The following MAP2K4 variants were observed in gnomAD, a reference collection of about 807,000 sequenced individuals.
MAP2K4 encodes the protein mitogen-activated protein kinase kinase 4.
In MAP2K4, 4 loss-of-function variants were observed where a neutral mutation model predicts 48.5. The ratio of observed to expected loss-of-function variants is 0.08; its 90% CI spans 0.04 to 0.19. The LOEUF (loss-of-function observed/expected upper bound fraction) is 0.19. Among genes scored for constraint, MAP2K4 ranks in the 10% least tolerant of loss-of-function variants. The pLI is 1.00. For missense variants in MAP2K4, 258 were observed against 493.3 expected, an observed-to-expected ratio of 0.52 and a Z score of 4.52; for synonymous variants, 166 against 173.1, an observed-to-expected ratio of 0.96 and a Z score of 0.32.
At chr17:12,058,788 C>G (rs1318060896) in intron 2 of MAP2K4, among the ~76,000 whole-genome samples, 3 of 152,136 alleles carry the variant, frequency 2.0e-5, no homozygotes, top group Non-Finnish European at 4.4e-5. Flanking sequence ...ATTGCTACAT[C>G]TAGTAGAATA....
chr17:12,080,853 T>G (rs1245480662), intron 2 of MAP2K4, among the ~76,000 whole-genome samples: 2 of 152,190 alleles, frequency 1.3e-5, no homozygotes, highest in African/African-American at 4.8e-5. Flanking sequence ...TTGAGATTTT[T>G]AAAATCTCCC....
intron 2 of MAP2K4, among the ~76,000 whole-genome samples, chr17:12,072,719 C>T (rs1449896639): frequency 1.3e-5 from 2 of 152,022 alleles, no homozygotes; most frequent in South Asian, 4.2e-4. Context: ...TCATGAATAC[C>T]CTAGATTTCA....
chr17:12,115,919 G>T (rs1972478569), intron 7 of MAP2K4: 4 of 534,602 alleles, frequency 7.5e-6, no homozygotes, highest in East Asian at 8.4e-5. Flanking sequence ...CCTTCCTCCG[G>T]TAGTTCATCT....
chr17:12,025,563 T>C (rs1233982749), intron 1 of MAP2K4, among the ~76,000 whole-genome samples: 1 of 152,136 alleles, frequency 6.6e-6, no homozygotes, highest in Non-Finnish European at 1.5e-5. Context: ...TTACAAGAAA[T>C]AGTTAGAAAG....
At chr17:12,116,443 AATTAACC>A (rs1972495235) in intron 7 of MAP2K4, among the ~76,000 whole-genome samples, 2 of 150,126 alleles carry the variant, frequency 1.3e-5, no homozygotes, top group Non-Finnish European at 2.9e-5. Context: ...TTCAGTAATA[AATTAACC>A]TGAGTGTACT....
At chr17:12,051,193 A>G (rs574129136) in intron 1 of MAP2K4, among the ~76,000 whole-genome samples, 20 of 152,290 alleles carry the variant, frequency 1.3e-4, no homozygotes, top group Middle Eastern at 3.4e-3. Context: ...AAGCCATTGC[A>G]TGAAAAAAGT....
intron 2 of MAP2K4, among the ~76,000 whole-genome samples, chr17:12,068,933 G>C (rs967717207): frequency 1.3e-4 from 20 of 152,118 alleles, no homozygotes; most frequent in African/African-American, 4.8e-4. Flanking sequence ...CCTAGGAAGA[G>C]AGTGAGAATG....
At chr17:12,073,311 A>G (rs988530105) in intron 2 of MAP2K4, among the ~76,000 whole-genome samples, 1 of 152,206 alleles carries the variant, frequency 6.6e-6, no homozygotes, top group African/African-American at 2.4e-5. Flanking sequence ...AAGTGTCATT[A>G]TGAGTGAAGT....
intron 4 of MAP2K4, among the ~76,000 whole-genome samples, chr17:12,104,287 C>T (rs1972036860): frequency 6.6e-6 from 1 of 152,062 alleles, no homozygotes; most frequent in South Asian, 2.1e-4. Flanking sequence ...GAGTCACAAA[C>T]CAGTGGTTTT....
At chr17:12,073,566 T>C (rs1970889475) in intron 2 of MAP2K4, among the ~76,000 whole-genome samples, 2 of 152,198 alleles carry the variant, frequency 1.3e-5, no homozygotes, top group South Asian at 2.1e-4. Flanking sequence ...ATCAGACAAG[T>C]AGAGTGCAGC....
chr17:12,045,244 A>T (rs1969927245), intron 1 of MAP2K4, among the ~76,000 whole-genome samples: 1 of 152,166 alleles, frequency 6.6e-6, no homozygotes, highest in Non-Finnish European at 1.5e-5. Context: ...AAAAATATTG[A>T]TGTTATAGTT....
At chr17:12,056,364 C>A (rs1237778373) in intron 2 of MAP2K4, among the ~76,000 whole-genome samples, 2 of 151,982 alleles carry the variant, frequency 1.3e-5, no homozygotes, top group African/African-American at 4.8e-5. Context: ...ATGTGGAATT[C>A]ATGGAGCAAA....
At chr17:12,116,492 A>T (rs1474500791) in intron 7 of MAP2K4, among the ~76,000 whole-genome samples, 1 of 151,994 alleles carries the variant, frequency 6.6e-6, no homozygotes, top group Non-Finnish European at 1.5e-5. Flanking sequence ...CTTTTTAATT[A>T]AAAAAAATTT....
chr17:12,085,630 C>T (rs1212468110), intron 3 of MAP2K4, among the ~76,000 whole-genome samples: 1 of 152,006 alleles, frequency 6.6e-6, no homozygotes, highest in Non-Finnish European at 1.5e-5. Context: ...GGCCTGTTAA[C>T]CTGATTTTGA....
chr17:12,061,240 G>GTTGT (rs1970441441), intron 2 of MAP2K4, among the ~76,000 whole-genome samples: 2 of 152,148 alleles, frequency 1.3e-5, no homozygotes, highest in South Asian at 4.1e-4. Context: ...GGACATTTGG[G>GTTGT]TTGTTTGTAC....
At chr17:12,070,107 A>G (rs114750251) in intron 2 of MAP2K4, among the ~76,000 whole-genome samples, 234 of 151,452 alleles carry the variant, frequency 1.5e-3, no homozygotes, top group African/African-American at 5.5e-3. Context: ...TGATCGAGGT[A>G]GAAGAATGTG....
At chr17:12,083,032 G>A (rs1971243208) in intron 3 of MAP2K4, among the ~76,000 whole-genome samples, 1 of 152,138 alleles carries the variant, frequency 6.6e-6, no homozygotes, top group African/African-American at 2.4e-5. Flanking sequence ...TTAAGGGAAA[G>A]GTTTCCTATA....
intron 2 of MAP2K4, among the ~76,000 whole-genome samples, chr17:12,059,091 T>C (rs987117851): frequency 2.6e-5 from 4 of 152,202 alleles, no homozygotes; most frequent in Admixed American, 2.0e-4. Flanking sequence ...GATTTTTAAT[T>C]ATCAATGATT....
At chr17:12,040,480 C>A (rs530153403) in intron 1 of MAP2K4, among the ~76,000 whole-genome samples, 2 of 152,140 alleles carry the variant, frequency 1.3e-5, no homozygotes, top group South Asian at 2.1e-4. Context: ...ATGAGTTGAC[C>A]CGTTCATTAG....
Sources: gnomAD v4.1 joint callset for allele counts (sites outside exome capture counted in the v4.1 genomes callset) on GRCh38, gnomAD v4.1.1 for gene constraint, MANE v1.5 for transcripts, NCBI Gene and HGNC (gene_info 2026-07-23, HGNC 2026-07-21) for gene names.